The following GABRR1 variants were observed in gnomAD, a reference collection of about 807,000 sequenced individuals.
The protein encoded by GABRR1 is gamma-aminobutyric acid receptor subunit rho-1.
Under a neutral mutation model 55.5 loss-of-function variants are expected in GABRR1, and 59 were observed. The observed-to-expected ratio is 1.06, with a 90% CI of 0.86 to 1.32. GABRR1 has a LOEUF of 1.32. GABRR1 is among the 40% of genes most tolerant of loss of function. The pLI, the probability that GABRR1 is intolerant of heterozygous loss-of-function variation, is 0.00. For missense variants in GABRR1, 602 were observed against 619.1 expected (o/e 0.97, Z 0.29); for synonymous variants, 213 against 226.0 (o/e 0.94, Z 0.51).
Position 89,185,279 on chromosome 6 carries a change from C to A in GABRR1, c.796+31G>T, listed in dbSNP as rs1771865928. The A allele has an allele frequency of 3.1e-6, 5 of 1,611,664 alleles. No individual in the cohort carries two copies. In the East Asian group the frequency reaches 1.1e-4, roughly 36 times the overall value. ...ACCTTGGAGACCAAGCTGAAGCCTGCCCTGACTCTCAGCCCTCACTCTACA... is the reference window on the plus strand; with the variant it reads ...ACCTTGGAGACCAAGCTGAAGCCTGACCTGACTCTCAGCCCTCACTCTACA... On this transcript the variant is annotated intron_variant, in intron 7 of 9. Coordinates refer to ENST00000454853, the MANE Select transcript of GABRR1 (RefSeq NM_002042.5).
At chr6:89,209,867 T>TTA (rs1582402708) in intron 1 of GABRR1, among the ~76,000 whole-genome samples, 1 of 152,114 alleles carries the variant, frequency 6.6e-6, no homozygotes, top group African/African-American at 2.4e-5. Context: ...AATACTAACT[T>TTA]TACTGGCGTG....
At chr6:89,203,331 G>T in intron 2 of GABRR1, 104 bp downstream of exon 2, 2 of 1,035,690 alleles carry the variant, frequency 1.9e-6, no homozygotes, top group South Asian at 1.3e-5. Context: ...TCCACTTTCT[G>T]ATCCTTGGTG....
intron 1 of GABRR1, among the ~76,000 whole-genome samples, chr6:89,229,239 A>G (rs963829006): frequency 1.4e-4 from 21 of 151,902 alleles, no homozygotes; most frequent in African/African-American, 5.1e-4. Context: ...GTGTCTTTTA[A>G]TTGGAGCATT....
At chr6:89,189,177 G>A (rs1036301994) in intron 6 of GABRR1, among the ~76,000 whole-genome samples, 2 of 152,072 alleles carry the variant, frequency 1.3e-5, no homozygotes. Context: ...CATTGCCATA[G>A]GGCATTAAAA....
intron 5 of GABRR1, among the ~76,000 whole-genome samples, chr6:89,195,314 T>A (rs968713294): frequency 2.0e-5 from 3 of 151,866 alleles, no homozygotes; most frequent in African/African-American, 7.3e-5. Flanking sequence ...ACAAAAAAAA[T>A]TAGCCAGGCA....
chr6:89,216,987 T>C (rs1401373040), intron 1 of GABRR1, among the ~76,000 whole-genome samples: 2 of 152,174 alleles, frequency 1.3e-5, no homozygotes, highest in African/African-American at 4.8e-5. Context: ...AAAAATGCAC[T>C]GATAAAATGA....
chr6:89,217,064 C>CA lies in GABRR1; in HGVS notation c.122+136dup, dbSNP rs1332282746. 7 of 845,106 alleles carry CA rather than the reference C, an allele frequency of 8.3e-6. No individual in the cohort carries two copies. The African/African-American group carries it at 1.0e-4, about 12-fold the overall frequency. 52.4% of individuals were successfully genotyped at this position (845,106 alleles called of 1,614,324 possible). ...TTCTAAAAGGGGAGCAGCAGGAGAA[C>CA]AAAGGGAAGGGGAAGAAAAAGGCAT... On this transcript the variant is annotated intron_variant, in intron 1 of 9. Transcript: ENST00000454853.
chr6:89,222,778 A>G (rs1419880795), intron 1 of GABRR1, among the ~76,000 whole-genome samples: 1 of 152,176 alleles, frequency 6.6e-6, no homozygotes, highest in Non-Finnish European at 1.5e-5. Context: ...TGAAATTTTC[A>G]TGATTGATGA....
chr6:89,229,456 T>G (rs1308979540), intron 1 of GABRR1, among the ~76,000 whole-genome samples: 1 of 149,232 alleles, frequency 6.7e-6, no homozygotes, highest in Non-Finnish European at 1.5e-5. Flanking sequence ...AGGGCAGGCC[T>G]GGTGGTGACA....
chr6:89,187,113 G>C (rs1210266820), intron 6 of GABRR1, among the ~76,000 whole-genome samples: 1 of 152,160 alleles, frequency 6.6e-6, no homozygotes, highest in Non-Finnish European at 1.5e-5. Flanking sequence ...TTTGGGCAGG[G>C]AGGAGAATGG....
At chr6:89,205,059 T>C (rs1421004288) in intron 1 of GABRR1, among the ~76,000 whole-genome samples, 2 of 152,176 alleles carry the variant, frequency 1.3e-5, no homozygotes, top group East Asian at 1.9e-4. Flanking sequence ...GCACTTCCTA[T>C]GTGTGAGTTA....
At chr6:89,183,109 T>C (rs149602639) in intron 7 of GABRR1, among the ~76,000 whole-genome samples, 5 of 132,758 alleles carry the variant, frequency 3.8e-5, no homozygotes, top group African/African-American at 1.2e-4. Flanking sequence ...AAGGAAAACA[T>C]ATGCATGGAG....
chr6:89,180,206 T>C, intron 9 of GABRR1, 86 bp downstream of exon 9: 4 of 1,438,126 alleles, frequency 2.8e-6, no homozygotes, highest in Non-Finnish European at 3.8e-6. Flanking sequence ...GACCTTGCTT[T>C]ACAGAGAAGG....
chr6:89,213,029 G>T (rs1241407392), intron 1 of GABRR1, among the ~76,000 whole-genome samples: 1 of 152,310 alleles, frequency 6.6e-6, no homozygotes, highest in South Asian at 2.1e-4. Flanking sequence ...TTCTGATCTT[G>T]ATTCTGCATG....
chr6:89,183,897 A>C (rs1410100928), intron 7 of GABRR1, among the ~76,000 whole-genome samples: 1 of 152,078 alleles, frequency 6.6e-6, no homozygotes, highest in African/African-American at 2.4e-5. Context: ...GGGATGAAAA[A>C]CTACCCATTG....
upstream of GABRR1, among the ~76,000 whole-genome samples, chr6:89,221,627 T>C (rs1253886214): frequency 6.6e-6 from 1 of 152,200 alleles, no homozygotes. Flanking sequence ...TAAGCATCCA[T>C]GGATTTTGGA....
intron 1 of GABRR1, among the ~76,000 whole-genome samples, 189 bp downstream of exon 1, chr6:89,217,012 A>G (rs1304792192): frequency 2.6e-5 from 4 of 152,212 alleles, no homozygotes; most frequent in Non-Finnish European, 5.9e-5. Flanking sequence ...ATCTAGCATC[A>G]TTTTAAAAGA....
rs562760570 is a variant in GABRR1, at chr6:89,215,231, T to C, written c.122+1970A>G. On this transcript the variant is annotated intron_variant, in intron 1 of 9. Coordinates refer to ENST00000454853, the MANE Select transcript of GABRR1 (RefSeq NM_002042.5). ...ACTTAAAAGCAGTTTGTTGAAGAGA[T>C]ACCTGCACTCTCATTTTCATTGCAG... is the stretch of plus-strand genomic sequence containing the variant. 8.1e-4 allele frequency among the ~76,000 whole-genome samples: 123 copies of C among 152,328 alleles called. 2 individuals carry two copies. The South Asian group carries it at 0.024, about 30-fold the overall frequency.
At chr6:89,205,789 G>C (rs960036992) in intron 1 of GABRR1, 1 of 152,084 alleles carries the variant, frequency 6.6e-6, no homozygotes, top group South Asian at 2.1e-4. Flanking sequence ...GCAGAAACCG[G>C]CTAATGAAAA....
Sources: gnomAD v4.1 joint callset for allele counts (sites outside exome capture counted in the v4.1 genomes callset) on GRCh38, gnomAD v4.1.1 for gene constraint, MANE v1.5 for transcripts, NCBI Gene and HGNC (gene_info 2026-07-23, HGNC 2026-07-21) for gene names.